AZI2: variants seen among roughly 807,000 people sequenced by gnomAD.
AZI2 encodes the protein 5-azacytidine induced 2.
AZI2 carries 22 observed loss-of-function variants against 45.8 expected under a neutral mutation model. The ratio of observed to expected loss-of-function variants is 0.48; its 90% CI spans 0.34 to 0.69. The LOEUF is 0.69. Ranked by LOEUF, AZI2 falls within the 30% of genes least tolerant of loss-of-function variation. The pLI is 0.01. For synonymous variants in AZI2, 137 were observed against 156.7 expected (o/e 0.87, Z 0.94); for missense variants, 417 against 441.5 (o/e 0.94, Z 0.50).
intron 6 of AZI2, 92 bp downstream of exon 6, chr3:28,332,277 A>T: frequency 1.7e-6 from 2 of 1,143,292 alleles, no homozygotes; most frequent in Admixed American, 2.2e-5. Flanking sequence ...TTTTGTTTTT[A>T]AGGTTAAGTC....
rs1443320438 is a variant in AZI2 at position 28,326,831 on chromosome 3, C to A, written c.766+1G>T. Reference sequence around the variant, plus strand: ...GTGGTTTCCGGTAAACAGTGACTTGCCTTTCTTGATTGCAGTTGAGGTTTT... The same window carrying A: ...GTGGTTTCCGGTAAACAGTGACTTGACTTTCTTGATTGCAGTTGAGGTTTT... On this transcript the variant is annotated splice_donor_variant, in intron 7 of 7. Coordinates refer to ENST00000479665, the MANE Select transcript of AZI2 (RefSeq NM_022461.5). LOFTEE classifies it high-confidence loss of function. 3 of 1,600,470 alleles carry A rather than the reference C, an allele frequency of 1.9e-6. No individual in the cohort carries two copies. The highest frequency in any genetic ancestry group is 2.6e-6 in the Non-Finnish European group (3 of 1,168,806).
At chr3:28,339,984 G>T (rs1207315440) in intron 2 of AZI2, among the ~76,000 whole-genome samples, 1 of 152,004 alleles carries the variant, frequency 6.6e-6, no homozygotes, top group Non-Finnish European at 1.5e-5. Flanking sequence ...GAGAAAGAAT[G>T]TTGAAGTAAA....
At chr3:28,332,677 C>A (rs1310789019) in intron 5 of AZI2, among the ~76,000 whole-genome samples, 1 of 151,660 alleles carries the variant, frequency 6.6e-6, no homozygotes, top group Non-Finnish European at 1.5e-5. Context: ...TGCTCTCATT[C>A]TGTAAAAGAC....
In AZI2 at chr3:28,348,795, C is replaced by T; in HGVS notation, c.-200G>A. The T allele has an allele frequency of 4.3e-6, 1 of 233,392 alleles. No homozygotes were observed. The highest frequency in any genetic ancestry group is 7.0e-6 in the Non-Finnish European group (1 of 141,972). The allele number at this position is 233,392 out of a possible 1,614,324, so 14.5% of individuals were successfully genotyped here. A position where few individuals can be genotyped will look rare whatever the true frequency, so the allele number is the denominator to read the frequency against. On this transcript the variant is annotated 5_prime_UTR_variant, in exon 1 of 8. Coordinates refer to ENST00000479665, the MANE Select transcript of AZI2 (RefSeq NM_022461.5). ...GGAGGGAGTCCCATTTCTTCTGACT[C>T]GGCAGGAGCCCGGGACGTTCTGGAA...
At chr3:28,336,039 T>A (rs1285165098) in intron 5 of AZI2, among the ~76,000 whole-genome samples, 2 of 152,114 alleles carry the variant, frequency 1.3e-5, no homozygotes, top group Non-Finnish European at 2.9e-5. Flanking sequence ...CTTCTTTTAA[T>A]CTCAGCACTG....
chr3:28,331,562 T>C, intron 6 of AZI2: 1 of 936,722 alleles, frequency 1.1e-6, no homozygotes, highest in Non-Finnish European at 1.3e-6. Flanking sequence ...TGTATCTCAT[T>C]TCCTCAAATT....
At position 28,326,979 on chromosome 3, in the gene AZI2, A is replaced by T. The variant is rs764035491; in HGVS notation, c.648-29T>A. The stretch of plus-strand genomic sequence containing the variant: ...AAATAAATTTTTTTACAAAAAGTTA[A>T]TACTCATCATTCTTTTTTAGACAAA... On this transcript the variant is annotated intron_variant, in intron 6 of 7. Transcript: ENST00000479665. 8.4e-6 allele frequency: 12 copies of T among 1,432,496 alleles called. No individual in the cohort carries two copies. The East Asian group carries it at 2.5e-4, about 30-fold the overall frequency. The allele number at this position is 1,432,496 out of a possible 1,614,324, so 88.7% of individuals were successfully genotyped here.
chr3:28,332,262 C>A (rs1457441017), intron 6 of AZI2, 107 bp downstream of exon 6: 1 of 909,822 alleles, frequency 1.1e-6, no homozygotes, highest in Non-Finnish European at 1.7e-6. Flanking sequence ...CAAACAATAT[C>A]CATTTTTTGT....
At chr3:28,347,627 G>A (rs1006959665) in intron 1 of AZI2, among the ~76,000 whole-genome samples, 1 of 152,198 alleles carries the variant, frequency 6.6e-6, no homozygotes, top group African/African-American at 2.4e-5. Context: ...AGATACTGGT[G>A]TTCTGACCTA....
Position 28,322,419 on chromosome 3 carries a change from C to T in AZI2, c.*1623G>A, listed in dbSNP as rs1367204149. 6.6e-6 allele frequency: 1 copy of T among 151,544 alleles called. No homozygotes were observed. The highest frequency in any genetic ancestry group is 2.4e-5 in the African/African-American group (1 of 41,292). 9.4% of individuals were successfully genotyped at this position (151,544 alleles called of 1,614,324 possible). A position where few individuals can be genotyped will look rare whatever the true frequency, so the allele number is the denominator to read the frequency against. ...TCTTGGTATTGTTCAAAACATTAATCAAGCAATTATCTCATAAGACTTTTT... is the reference window on the plus strand; with the variant it reads ...TCTTGGTATTGTTCAAAACATTAATTAAGCAATTATCTCATAAGACTTTTT... On this transcript the variant is annotated 3_prime_UTR_variant, in exon 8 of 8. Coordinates refer to ENST00000479665, the MANE Select transcript of AZI2 (RefSeq NM_022461.5).
In AZI2 at chr3:28,340,494, C is replaced by T. The variant is rs1290800283; in HGVS notation, c.124G>A (p.Val42Ile). The part of the protein sequence containing the change: ...DESVASHFAL[V>I]TAYEDIKKRL... ...TTTTTGATGTCTTCATATGCAGTGACAAGAGCAAAATGGGAAGCAACAGAT... is the reference window on the plus strand; with the variant it reads ...TTTTTGATGTCTTCATATGCAGTGATAAGAGCAAAATGGGAAGCAACAGAT... Residue 42 changes from valine to isoleucine, a missense_variant, in exon 2 of 8, where the codon GTC becomes ATC. Val to Ile is a conservative substitution (Grantham distance 29, BLOSUM62 3). Coordinates refer to ENST00000479665, the MANE Select transcript of AZI2 (RefSeq NM_022461.5). 2 of 1,612,922 alleles carry T rather than the reference C, an allele frequency of 1.2e-6. No individual in the cohort carries two copies. The highest frequency in any genetic ancestry group is 1.7e-6 in the Non-Finnish European group (2 of 1,179,388).
In AZI2 at chr3:28,338,543, G is replaced by C. The variant is rs1475381397; in HGVS notation, c.289C>G (p.Arg97Gly). 1 of 1,605,612 alleles carries C rather than the reference G, an allele frequency of 6.2e-7. No individual in the cohort carries two copies. Among genetic ancestry groups the C allele is most frequent in the Admixed American group, 1.7e-5 (1 of 59,914 alleles). Reference sequence around the variant, plus strand: ...TTATCTCTATCAATGCAAACCTCTCGATATGCATGATAGGCCTTATTTACT... The same window carrying C: ...TTATCTCTATCAATGCAAACCTCTCCATATGCATGATAGGCCTTATTTACT... The part of the protein sequence containing the change: ...EQVNKAYHAY[R>G]EVCIDRDNLK... Residue 97 changes from arginine to glycine, a missense_variant, in exon 3 of 8, where the codon CGA becomes GGA. Transcript: ENST00000479665.
intron 3 of AZI2, 48 bp from the exon 4 acceptor site, chr3:28,338,084 G>T: frequency 1.8e-6 from 2 of 1,093,748 alleles, no homozygotes; most frequent in Non-Finnish European, 2.6e-6. Flanking sequence ...AAATCTACAC[G>T]TTGGTATATT....
intron 1 of AZI2, among the ~76,000 whole-genome samples, chr3:28,343,890 T>A (rs570054253): frequency 6.6e-6 from 1 of 152,088 alleles, no homozygotes. Context: ...TTATACAACA[T>A]GATAGCTAGT....
rs377571655 is a variant in AZI2 at position 28,332,548 on chromosome 3, A to G, written c.589-121T>C. 1.2e-3 allele frequency: 817 copies of G among 677,104 alleles called. 12 individuals carry two copies. Among genetic ancestry groups the G allele is most frequent in the South Asian group, 0.01 (487 of 48,416 alleles). The allele number at this position is 677,104 out of a possible 1,614,324, so 41.9% of individuals were successfully genotyped here. A position where few individuals can be genotyped will look rare whatever the true frequency, so the allele number is the denominator to read the frequency against. ...CAGAATATATCTGTAAGTGCAAAGAATACAATTAGATTTTATACTCAATTT... is the reference window on the plus strand; with the variant it reads ...CAGAATATATCTGTAAGTGCAAAGAGTACAATTAGATTTTATACTCAATTT... On this transcript the variant is annotated intron_variant, in intron 5 of 7. Coordinates refer to ENST00000479665, the MANE Select transcript of AZI2 (RefSeq NM_022461.5).
chr3:28,330,085 A>C (rs573351059), intron 6 of AZI2, among the ~76,000 whole-genome samples: 38 of 151,438 alleles, frequency 2.5e-4, no homozygotes, highest in African/African-American at 9.2e-4. Flanking sequence ...TTTACAGATG[A>C]TGAGCAAAAG....
chr3:28,324,742 G>A (rs1012373443), intron 7 of AZI2: 15 of 271,348 alleles, frequency 5.5e-5, no homozygotes, highest in Non-Finnish European at 8.9e-5. Context: ...ATGTCATAGA[G>A]CTTTTAAAAG....
chr3:28,340,353 A>T (rs1361133454), intron 2 of AZI2, 49 bp downstream of exon 2: 2 of 1,253,592 alleles, frequency 1.6e-6, no homozygotes, highest in Admixed American at 4.6e-5. Flanking sequence ...AAGTATTTTG[A>T]ATTATTCCTT....
intron 6 of AZI2, among the ~76,000 whole-genome samples, chr3:28,331,183 T>G (rs557826476): frequency 4.0e-5 from 6 of 151,552 alleles, no homozygotes; most frequent in African/African-American, 1.2e-4. Context: ...ACTATTTATA[T>G]AGCCCCTGTA....
Sources: gnomAD v4.1 joint callset for allele counts (sites outside exome capture counted in the v4.1 genomes callset) on GRCh38, gnomAD v4.1.1 for gene constraint, MANE v1.5 for transcripts, NCBI Gene and HGNC (gene_info 2026-07-23, HGNC 2026-07-21) for gene names.